Variants in TRAPPC6A observed in about 807,000 individuals in gnomAD.
TRAPPC6A encodes TRAPP complex subunit 6A.
Under a neutral mutation model 20.8 loss-of-function variants are expected in TRAPPC6A, and 25 were observed. That is an observed-to-expected ratio of 1.20 (90% CI 0.88 to 1.68). The LOEUF is 1.68. TRAPPC6A is among the 40% of genes most tolerant of loss of function. The probability of loss-of-function intolerance (pLI) is 0.00; values close to 1 mark genes in which losing one functional copy is unlikely to be tolerated. For synonymous variants in TRAPPC6A, 96 were observed against 93.3 expected, an observed-to-expected ratio of 1.03 and a Z score of -0.16; for missense variants, 215 against 211.6, an observed-to-expected ratio of 1.02 and a Z score of -0.10.
chr19:45,171,944 T>C (rs901958682), intron 1 of TRAPPC6A, among the ~76,000 whole-genome samples: 2 of 152,302 alleles, frequency 1.3e-5, no homozygotes, highest in Non-Finnish European at 2.9e-5. Flanking sequence ...CTTTACTACA[T>C]GCACTCAGGG....
At position 45,163,703 on chromosome 19, in the gene TRAPPC6A, A is replaced by T. The variant is rs1464335738; in HGVS notation, c.448+213T>A. Among the ~76,000 whole-genome samples the T allele has an allele frequency of 6.6e-6, 1 of 152,108 alleles. No individual in the cohort carries two copies. The highest frequency in any genetic ancestry group is 6.5e-5 in the Admixed American group (1 of 15,286). On this transcript the variant is annotated intron_variant, in intron 5 of 5. Coordinates refer to ENST00000585934, the MANE Select transcript of TRAPPC6A (RefSeq NM_001270891.2). The surrounding 1 kb of genome is among the most constrained non-coding windows in gnomAD (Gnocchi z 5.3). ...CGTCCACCTCGGCTCCCATGCTGGG[A>T]AACGATGTTCAAAACCGCCAGACAG...
intron 1 of TRAPPC6A, among the ~76,000 whole-genome samples, chr19:45,167,993 CTTTTTTTTTTTTTTT>C (rs968943946): frequency 1.0e-5 from 1 of 99,972 alleles, no homozygotes; most frequent in Non-Finnish European, 2.0e-5. Flanking sequence ...AAGACCCTGT[CTTTTTTTTTTTTTTT>C]TTTTTTTTTT....
chr19:45,164,042 G>C (rs781089236), intron 4 of TRAPPC6A, 33 bp from the exon 5 acceptor site: 2 of 1,559,734 alleles, frequency 1.3e-6, no homozygotes, highest in East Asian at 4.7e-5. Flanking sequence ...CATGGGAAGA[G>C]AGGGGAGGCC....
intron 1 of TRAPPC6A, among the ~76,000 whole-genome samples, chr19:45,169,134 G>C (rs1041467141): frequency 7.2e-5 from 11 of 152,186 alleles, no homozygotes; most frequent in Admixed American, 1.3e-4. Context: ...GTGAGAGACA[G>C]AGTGGGAAGA....
At position 45,172,916 on chromosome 19, in the gene TRAPPC6A, G is replaced by A. The variant is rs1969294882; in HGVS notation, c.84+5219C>T. ...GGATGGAGCCCCAGTTCCCAGGAGG[G>A]CCTCGCTGGAGCTCCCAGCCACAGA... is the stretch of plus-strand genomic sequence containing the variant. On this transcript the variant is annotated intron_variant, in intron 1 of 5. Transcript: ENST00000585934. This position sits in a 1 kb window ranked among gnomAD's most constrained non-coding sequence, Gnocchi z 4.2. 6.6e-6 allele frequency among the ~76,000 whole-genome samples: 1 copy of A among 151,662 alleles called. No homozygotes were observed. Among genetic ancestry groups the A allele is most frequent in the African/African-American group, 2.4e-5 (1 of 40,972 alleles).
In TRAPPC6A at chr19:45,164,754, G is replaced by T. The variant is rs1437355568; in HGVS notation, c.270+99C>A. ...CCGCCTGTGGGAAAGCTCTGGGCGG[G>T]TCCCGGCAGCCGCTGCTCTGGCGCC... is the stretch of plus-strand genomic sequence containing the variant. On this transcript the variant is annotated intron_variant, in intron 3 of 5. Coordinates refer to ENST00000585934, the MANE Select transcript of TRAPPC6A (RefSeq NM_001270891.2). The T allele has an allele frequency of 1.8e-5, 20 of 1,134,642 alleles. No individual in the cohort carries two copies. The East Asian group carries it at 4.2e-4, about 24-fold the overall frequency. The allele number at this position is 1,134,642 out of a possible 1,614,324, so 70.3% of individuals were successfully genotyped here.
chr19:45,177,363 A>G (rs1404786701), intron 1 of TRAPPC6A, among the ~76,000 whole-genome samples: 2 of 151,390 alleles, frequency 1.3e-5, no homozygotes, highest in Non-Finnish European at 2.9e-5. Flanking sequence ...TTTTCCTGAG[A>G]CAAGTCTCGC....
chr19:45,175,674 A>G (rs1969356019), intron 1 of TRAPPC6A, among the ~76,000 whole-genome samples: 1 of 152,092 alleles, frequency 6.6e-6, no homozygotes, highest in Non-Finnish European at 1.5e-5. Flanking sequence ...AGGAGAGCGG[A>G]AAGCACTGGA....
Position 45,162,979 on chromosome 19 carries a change from G to A in TRAPPC6A, c.*213C>T. The stretch of plus-strand genomic sequence containing the variant: ...TGAGCAGCTACTGGGCAGTGACGCT[G>A]CCGAGGCGGGAATCCCACCACAGTC... On this transcript the variant is annotated 3_prime_UTR_variant, in exon 6 of 6. Transcript: ENST00000585934. 4.5e-6 allele frequency: 2 copies of A among 448,342 alleles called. No individual in the cohort carries two copies. Among genetic ancestry groups the A allele is most frequent in the East Asian group, 3.6e-5 (1 of 28,120 alleles). 27.8% of individuals were successfully genotyped at this position (448,342 alleles called of 1,614,324 possible). A position where few individuals can be genotyped will look rare whatever the true frequency, so the allele number is the denominator to read the frequency against.
At chr19:45,167,076 A>G (rs73564239) in intron 1 of TRAPPC6A, among the ~76,000 whole-genome samples, 17,405 of 151,942 alleles carry the variant, frequency 0.11, 1,133 homozygotes, top group Middle Eastern at 0.15. Flanking sequence ...TGCCCACTGC[A>G]CACTGTCCCT....
In TRAPPC6A at chr19:45,164,161, T is replaced by A. The variant is rs1969084961; in HGVS notation, c.354+3A>T. 6.2e-7 allele frequency: 1 copy of A among 1,602,866 alleles called. No individual in the cohort carries two copies. The highest frequency in any genetic ancestry group is 8.5e-7 in the Non-Finnish European group (1 of 1,175,340). On this transcript the variant is annotated splice_donor_region_variant and intron_variant, in intron 4 of 5. Coordinates refer to ENST00000585934, the MANE Select transcript of TRAPPC6A (RefSeq NM_001270891.2). ...GTGGACAAGGCCCCAGCTCCCCCCA[T>A]ACCTTGGGTGCTTCCTCCAGATACT...
At position 45,164,159 on chromosome 19, in the gene TRAPPC6A, C is replaced by G. The variant is rs781450781; in HGVS notation, c.354+5G>C. ...GTGTGGACAAGGCCCCAGCTCCCCC[C>G]ATACCTTGGGTGCTTCCTCCAGATA... On this transcript the variant is annotated splice_donor_5th_base_variant and intron_variant, in intron 4 of 5. Transcript: ENST00000585934. 4.4e-6 allele frequency: 7 copies of G among 1,601,548 alleles called. No homozygotes were observed. In the African/African-American group the frequency reaches 5.3e-5, roughly 12 times the overall value.
At chr19:45,174,455 G>T (rs1408887307) in intron 1 of TRAPPC6A, among the ~76,000 whole-genome samples, 1 of 152,088 alleles carries the variant, frequency 6.6e-6, no homozygotes, top group Non-Finnish European at 1.5e-5. Context: ...TACACACCCA[G>T]GCCCATCCCG....
Position 45,163,771 on chromosome 19 carries a change from G to C in TRAPPC6A, c.448+145C>G. The stretch of plus-strand genomic sequence containing the variant: ...GCGACGTCACGGAGCCAGGGGCACA[G>C]ATGGGCCTGCACCAGCCGTGTGGCT... On this transcript the variant is annotated intron_variant, in intron 5 of 5. Transcript: ENST00000585934. The surrounding 1 kb of genome is among the most constrained non-coding windows in gnomAD (Gnocchi z 5.3). 1.4e-6 allele frequency: 1 copy of C among 702,842 alleles called. No homozygotes were observed. Among genetic ancestry groups the C allele is most frequent in the South Asian group, 1.9e-5 (1 of 52,966 alleles). 43.5% of individuals were successfully genotyped at this position (702,842 alleles called of 1,614,324 possible).
intron 1 of TRAPPC6A, among the ~76,000 whole-genome samples, chr19:45,175,122 G>A (rs1445594060): frequency 4.6e-5 from 7 of 152,066 alleles, no homozygotes; most frequent in African/African-American, 1.7e-4. Flanking sequence ...TTAGCCGGGC[G>A]TGGTGGCAGT....
intron 1 of TRAPPC6A, among the ~76,000 whole-genome samples, chr19:45,175,025 G>A (rs532252416): frequency 6.6e-6 from 1 of 152,100 alleles, no homozygotes; most frequent in East Asian, 1.9e-4. Flanking sequence ...ACTTTGGGAG[G>A]CCAAGGCAGG....
In TRAPPC6A at chr19:45,164,989, G is replaced by A; in HGVS notation, c.153-19C>T. The A allele has an allele frequency of 9.3e-6, 15 of 1,613,230 alleles. No individual in the cohort carries two copies. The highest frequency in any genetic ancestry group is 1.3e-5 in the Non-Finnish European group (15 of 1,179,206). ...GGGCAGCCTGGTGGGGCAGTACCAAGCTGAGGCCGTGGGGCCAGGCCAGGA... is the reference window on the plus strand; with the variant it reads ...GGGCAGCCTGGTGGGGCAGTACCAAACTGAGGCCGTGGGGCCAGGCCAGGA... On this transcript the variant is annotated intron_variant, in intron 2 of 5. Transcript: ENST00000585934.
chr19:45,163,227 G>T lies in TRAPPC6A; in HGVS notation c.449-4C>A. The T allele has an allele frequency of 6.2e-7, 1 of 1,613,908 alleles. No individual in the cohort carries two copies. The highest frequency in any genetic ancestry group is 8.5e-7 in the Non-Finnish European group (1 of 1,179,866). On this transcript the variant is annotated splice_region_variant and splice_polypyrimidine_tract_variant and intron_variant, in intron 5 of 5. Coordinates refer to ENST00000585934, the MANE Select transcript of TRAPPC6A (RefSeq NM_001270891.2). This position sits in a 1 kb window ranked among gnomAD's most constrained non-coding sequence, Gnocchi z 5.3. The stretch of plus-strand genomic sequence containing the variant: ...GGAATCACCACCTGGAACTTACCTG[G>T]AAGAGAAGGCCTGGCTTAGGCTTGA...
At chr19:45,171,659 G>A (rs529578585) in intron 1 of TRAPPC6A, among the ~76,000 whole-genome samples, 90 of 152,264 alleles carry the variant, frequency 5.9e-4, no homozygotes, top group African/African-American at 2.1e-3. Flanking sequence ...CAGGAGGGAG[G>A]AAAAAATGAG....
Sources: gnomAD v4.1 joint callset for allele counts (sites outside exome capture counted in the v4.1 genomes callset) on GRCh38, gnomAD v4.1.1 for gene constraint, Gnocchi (gnomAD v3.1) non-coding constraint, MANE v1.5 for transcripts, NCBI Gene and HGNC (gene_info 2026-07-23, HGNC 2026-07-21) for gene names.